The following FRAS1 variants were observed in gnomAD, a reference collection of about 807,000 sequenced individuals.
The protein encoded by FRAS1 is Fraser extracellular matrix complex subunit 1, also known as extracellular matrix organizing protein FRAS1.
In FRAS1, 290 loss-of-function variants were observed where a neutral mutation model predicts 435.2. The observed-to-expected ratio is 0.67, with a 90% CI of 0.61 to 0.73. FRAS1 has a LOEUF of 0.73. Among genes scored for constraint, FRAS1 ranks in the 30% least tolerant of loss-of-function variants. The pLI is 0.00. For synonymous variants in FRAS1, 1,800 were observed against 1,851.0 expected (o/e 0.97, Z 0.71); for missense variants, 4,860 against 5,001.5 (o/e 0.97, Z 0.85).
rs1469563420 is a variant in FRAS1 at position 78,387,588 on chromosome 4, C to G, written c.3862C>G (p.Leu1288Val). ...QFQLDELSRG[L>V]LHYAHDGSDS... is the part of the protein sequence containing the mutation. ...CCAGCTGGATGAACTCTCTAGAGGC[C>G]TTCTCCACTATGCTCATGATGGTTC... Residue 1288 changes from leucine (L) to valine (V), a missense_variant, in exon 29 of 74, where the codon CTT (leucine) becomes GTT (valine). Transcript: ENST00000512123. The G allele has an allele frequency of 2.5e-6, 4 of 1,613,672 alleles. No individual in the cohort carries two copies. Among genetic ancestry groups the G allele is most frequent in the Non-Finnish European group, 3.4e-6 (4 of 1,179,720 alleles).
At chr4:78,202,883 A>G (rs1322923299) in intron 2 of FRAS1, among the ~76,000 whole-genome samples, 1 of 152,136 alleles carries the variant, frequency 6.6e-6, no homozygotes, top group African/African-American at 2.4e-5. Context: ...GGATTTGGAT[A>G]CTTCTGCTTT....
At chr4:78,183,854 AAAT>A (rs1722155814) in intron 2 of FRAS1, among the ~76,000 whole-genome samples, 1 of 820 alleles carries the variant, frequency 1.2e-3, no homozygotes, top group African/African-American at 1.3e-3. Flanking sequence ...GAAAAGTTCA[AAAT>A]AAATAACAAC....
chr4:78,142,387 CTA>C (rs1720231197), intron 2 of FRAS1, among the ~76,000 whole-genome samples: 1 of 151,920 alleles, frequency 6.6e-6, no homozygotes, highest in Non-Finnish European at 1.5e-5. Flanking sequence ...TCCAGAGCCT[CTA>C]ATTATCTCTG....
At chr4:78,491,563 T>C (rs1443739574) in intron 59 of FRAS1, among the ~76,000 whole-genome samples, 2 of 152,130 alleles carry the variant, frequency 1.3e-5, no homozygotes, top group Non-Finnish European at 1.5e-5. Context: ...CACATGATTA[T>C]CTAATAGATG....
rs1183333954 is a variant in FRAS1, at chr4:78,267,284, G to T, written c.833G>T (p.Cys278Phe). The T allele has an allele frequency of 6.2e-7, 1 of 1,613,768 alleles. No individual in the cohort carries two copies. Among genetic ancestry groups the T allele is most frequent in the Non-Finnish European group, 8.5e-7 (1 of 1,179,870 alleles). Residue 278 changes from cysteine to phenylalanine, a missense_variant, in exon 9 of 74, where the codon TGT (cysteine) becomes TTT (phenylalanine). Transcript: ENST00000512123. ...CGTCATGGGCAATGCTGTGAGGAATGTGTGTCTCCTGCCGGGAGCTGCTCC... is the reference window on the plus strand; with the variant it reads ...CGTCATGGGCAATGCTGTGAGGAATTTGTGTCTCCTGCCGGGAGCTGCTCC... ...ARRHGQCCEE[C>F]VSPAGSCSYD...
In FRAS1 at chr4:78,516,029, C is replaced by A; in HGVS notation, c.10389+16C>A. The A allele has an allele frequency of 1.3e-5, 21 of 1,599,694 alleles. No individual in the cohort carries two copies. Among genetic ancestry groups the A allele is most frequent in the Non-Finnish European group, 1.8e-5 (21 of 1,170,398 alleles). ...TGACTTCCAGGTAGGTGCCCCGGGG[C>A]TTGTCTGAGGACTCTGCATATGGGT... is the stretch of plus-strand genomic sequence containing the variant. On this transcript the variant is annotated intron_variant, in intron 66 of 73. Transcript: ENST00000512123.
intron 2 of FRAS1, chr4:78,071,914 G>C (rs1740370978): frequency 6.6e-6 from 1 of 152,128 alleles, no homozygotes; most frequent in African/African-American, 2.4e-5. Context: ...GTAATACAAA[G>C]TTTGTTATAG....
At chr4:78,464,915 A>G (rs2109846492) in intron 49 of FRAS1, among the ~76,000 whole-genome samples, 2 of 152,308 alleles carry the variant, frequency 1.3e-5, no homozygotes, top group South Asian at 4.1e-4. Flanking sequence ...ATTATTTCCC[A>G]TTAGCATGAA....
intron 26 of FRAS1, among the ~76,000 whole-genome samples, chr4:78,376,381 G>T (rs144151282): frequency 6.6e-6 from 1 of 152,050 alleles, no homozygotes; most frequent in Admixed American, 6.6e-5. Flanking sequence ...GTAGGCAATC[G>T]TAACACAATA....
chr4:78,338,854 C>T (rs1730286617), intron 20 of FRAS1, among the ~76,000 whole-genome samples: 1 of 152,190 alleles, frequency 6.6e-6, no homozygotes, highest in Non-Finnish European at 1.5e-5. Context: ...CTGGTGGTGC[C>T]ATGGTCCAGG....
Position 78,114,489 on chromosome 4 carries a change from A to C in FRAS1, c.108+48473A>C, listed in dbSNP as rs1210092030. The stretch of plus-strand genomic sequence containing the variant: ...ATGGAATGTTCTTCCATTTGTTTGT[A>C]TCCTCTTTTATTTCATTGAGCAGTG... On this transcript the variant is annotated intron_variant, in intron 2 of 73. Coordinates refer to ENST00000512123, the MANE Select transcript of FRAS1 (RefSeq NM_025074.7). Among the ~76,000 whole-genome samples the C allele has an allele frequency of 1.3e-5, 2 of 151,360 alleles. 1 individual carries two copies. The highest frequency in any genetic ancestry group is 4.2e-4 in the South Asian group (2 of 4,796).
chr4:78,308,232 G>A, intron 15 of FRAS1, 23 bp downstream of exon 15: 1 of 1,605,122 alleles, frequency 6.2e-7, no homozygotes, highest in East Asian at 2.2e-5. Context: ...TTGCGATGCT[G>A]ACGTGTCCTT....
chr4:78,272,278 G>T (rs1000677322), intron 9 of FRAS1, among the ~76,000 whole-genome samples: 1 of 152,126 alleles, frequency 6.6e-6, no homozygotes, highest in African/African-American at 2.4e-5. Context: ...TCACTCTGAT[G>T]GTAGTTACTT....
intron 50 of FRAS1, 131 bp downstream of exon 50, chr4:78,466,566 A>G (rs2109847761): frequency 3.0e-6 from 2 of 664,454 alleles, no homozygotes; most frequent in East Asian, 2.8e-5. Flanking sequence ...CCTTGGGCAA[A>G]TTACATTTCT....
intron 14 of FRAS1, among the ~76,000 whole-genome samples, chr4:78,292,734 C>G (rs1727951962): frequency 1.3e-5 from 2 of 152,280 alleles, no homozygotes; most frequent in East Asian, 3.9e-4. Flanking sequence ...TTGGGATAGT[C>G]ATGGCCAAGC....
At chr4:78,531,235 T>C (rs1300383177) in intron 70 of FRAS1, among the ~76,000 whole-genome samples, 2 of 152,232 alleles carry the variant, frequency 1.3e-5, no homozygotes, top group African/African-American at 2.4e-5. Context: ...TAAGGAGATT[T>C]GGTGCTGAGA....
At chr4:78,530,507 A>C (rs1349563650) in intron 70 of FRAS1, among the ~76,000 whole-genome samples, 1 of 152,088 alleles carries the variant, frequency 6.6e-6, no homozygotes, top group Non-Finnish European at 1.5e-5. Context: ...TGATACAGGG[A>C]ATTTGGACTT....
intron 33 of FRAS1, among the ~76,000 whole-genome samples, chr4:78,420,443 G>A (rs538764332): frequency 4.6e-5 from 5 of 108,274 alleles, no homozygotes; most frequent in Non-Finnish European, 9.6e-5. Flanking sequence ...CCTGACATGT[G>A]CCCTCCTTTT....
intron 9 of FRAS1, among the ~76,000 whole-genome samples, chr4:78,276,316 G>A (rs185724719): frequency 9.8e-5 from 15 of 152,310 alleles, no homozygotes; most frequent in East Asian, 9.6e-4. Context: ...CTCTCAGCTC[G>A]TCAAAGTCAT....
Sources: gnomAD v4.1 joint callset for allele counts (sites outside exome capture counted in the v4.1 genomes callset) on GRCh38, gnomAD v4.1.1 for gene constraint, MANE v1.5 for transcripts, NCBI Gene and HGNC (gene_info 2026-07-23, HGNC 2026-07-21) for gene names.